Variants in TCF7L1 observed in about 807,000 individuals in gnomAD.
TCF7L1 encodes the protein transcription factor 7 like 1, also known as transcription factor 7-like 1.
Under a neutral mutation model 63.7 loss-of-function variants are expected in TCF7L1, and 18 were observed. The ratio of observed to expected loss-of-function variants is 0.28; its 90% CI spans 0.20 to 0.42. The LOEUF (loss-of-function observed/expected upper bound fraction) is 0.42, where lower values mean the gene tolerates loss of function less well. Among genes scored for constraint, TCF7L1 ranks in the 10% least tolerant of loss-of-function variants. TCF7L1 has a pLI of 1.00. For synonymous variants in TCF7L1, 355 were observed against 340.9 expected (o/e 1.04, Z -0.46); for missense variants, 654 against 779.3 (o/e 0.84, Z 1.91).
intron 3 of TCF7L1, among the ~76,000 whole-genome samples, chr2:85,267,832 A>G (rs189976136): frequency 6.6e-6 from 1 of 152,302 alleles, no homozygotes; most frequent in Non-Finnish European, 1.5e-5. Flanking sequence ...ACGCATCACT[A>G]AATGTTTTCT....
At chr2:85,243,857 G>A (rs755891642) in intron 3 of TCF7L1, among the ~76,000 whole-genome samples, 33 of 152,162 alleles carry the variant, frequency 2.2e-4, no homozygotes, top group African/African-American at 3.1e-4. Flanking sequence ...TGCTAGCCAC[G>A]GACCACATTG....
intron 3 of TCF7L1, among the ~76,000 whole-genome samples, chr2:85,277,068 G>C (rs4832152): frequency 4.6e-5 from 7 of 151,872 alleles, no homozygotes; most frequent in African/African-American, 7.3e-5. Context: ...GCTGGGGTGG[G>C]GGGCGGTGAG....
intron 3 of TCF7L1, among the ~76,000 whole-genome samples, chr2:85,207,558 C>T (rs1679437444): frequency 6.6e-6 from 1 of 151,812 alleles, no homozygotes; most frequent in Non-Finnish European, 1.5e-5. Context: ...ATCATGGTGC[C>T]TCACTCATCA....
chr2:85,195,704 C>T (rs1679139116), intron 3 of TCF7L1, among the ~76,000 whole-genome samples: 1 of 151,858 alleles, frequency 6.6e-6, no homozygotes, highest in Admixed American at 6.6e-5. Flanking sequence ...ACGCCACCAC[C>T]CCCGGCCAAT....
rs770168494 is a variant in TCF7L1 at position 85,134,116 on chromosome 2, C to G, written c.313+37C>G. Reference sequence around the variant, plus strand: ...CTGGGACAGCCCCCCACTCTCGATTCCCGCTGCGCTCCGCTGCTCAGCCCG... The same window carrying G: ...CTGGGACAGCCCCCCACTCTCGATTGCCGCTGCGCTCCGCTGCTCAGCCCG... On this transcript the variant is annotated intron_variant, in intron 2 of 11. Transcript: ENST00000282111. The surrounding 1 kb of genome is among the most constrained non-coding windows in gnomAD (Gnocchi z 5.0). 9 of 1,602,450 alleles carry G rather than the reference C, an allele frequency of 5.6e-6. No individual in the cohort carries two copies. Among genetic ancestry groups the G allele is most frequent in the Non-Finnish European group, 7.7e-6 (9 of 1,175,516 alleles).
chr2:85,267,144 C>A (rs1680993995), intron 3 of TCF7L1, among the ~76,000 whole-genome samples: 1 of 151,924 alleles, frequency 6.6e-6, no homozygotes, highest in Non-Finnish European at 1.5e-5. Context: ...AGTTCAAGAC[C>A]AGCCTGGCTA....
intron 3 of TCF7L1, among the ~76,000 whole-genome samples, chr2:85,260,229 G>A (rs943612695): frequency 2.0e-5 from 3 of 152,212 alleles, no homozygotes; most frequent in Non-Finnish European, 2.9e-5. Context: ...CAGCGAACCA[G>A]ATGCTTCTGG....
At position 85,254,427 on chromosome 2, in the gene TCF7L1, G is replaced by T. The variant is rs147197682; in HGVS notation, c.442-29068G>T. On this transcript the variant is annotated intron_variant, in intron 3 of 11. Transcript: ENST00000282111. ...TCCTCTGTGTGTCCCTTGTAGGTCA[G>T]TGGTGCTTTTTCCTGCATTGGGGGG... is the stretch of plus-strand genomic sequence containing the variant. 7.9e-3 allele frequency among the ~76,000 whole-genome samples: 1,203 copies of T among 152,358 alleles called. 19 individuals carry two copies. The highest frequency in any genetic ancestry group is 0.027 in the African/African-American group (1,136 of 41,572).
chr2:85,198,732 A>G (rs1177936244), intron 3 of TCF7L1, among the ~76,000 whole-genome samples: 1 of 152,154 alleles, frequency 6.6e-6, no homozygotes, highest in East Asian at 1.9e-4. Context: ...GTGGTGGCAC[A>G]CGCCTGTGGT....
In TCF7L1 at chr2:85,278,043, C is replaced by T. The variant is rs568781132; in HGVS notation, c.442-5452C>T. ...ATTTCCTCCCAGCTGTTTTACATCA[C>T]GAAGATTTGTGTGTTGGGGAAATTC... is the stretch of plus-strand genomic sequence containing the variant. On this transcript the variant is annotated intron_variant, in intron 3 of 11. Coordinates refer to ENST00000282111, the MANE Select transcript of TCF7L1 (RefSeq NM_031283.3). Among the ~76,000 whole-genome samples the T allele has an allele frequency of 8.5e-5, 13 of 152,270 alleles. No individual in the cohort carries two copies. The East Asian group carries it at 2.3e-3, about 27-fold the overall frequency.
At chr2:85,226,470 T>C (rs6743132) in intron 3 of TCF7L1, among the ~76,000 whole-genome samples, 38,940 of 152,096 alleles carry the variant, frequency 0.26, 9,507 homozygotes, top group African/African-American at 0.65. Flanking sequence ...AGGATTTGAA[T>C]CTGGGCTAGC....
chr2:85,147,405 C>T (rs977512824), intron 3 of TCF7L1, among the ~76,000 whole-genome samples: 22 of 152,186 alleles, frequency 1.4e-4, no homozygotes, highest in Admixed American at 2.0e-4. Context: ...CTTTCCCCAC[C>T]CCTCCCCACG....
chr2:85,154,635 AC>A (rs1678101752), intron 3 of TCF7L1, among the ~76,000 whole-genome samples: 1 of 152,156 alleles, frequency 6.6e-6, no homozygotes, highest in Non-Finnish European at 1.5e-5. Context: ...AGCTCTCTGT[AC>A]TTGAGCACAT....
At chr2:85,281,623 G>T (rs1681422641) in intron 3 of TCF7L1, among the ~76,000 whole-genome samples, 1 of 152,110 alleles carries the variant, frequency 6.6e-6, no homozygotes, top group Non-Finnish European at 1.5e-5. Context: ...AGGGACAGAG[G>T]TGACACCCCA....
chr2:85,218,638 A>AGAGG (rs1558637181), intron 3 of TCF7L1, among the ~76,000 whole-genome samples: 2 of 135,654 alleles, frequency 1.5e-5, no homozygotes, highest in African/African-American at 5.5e-5. Context: ...TTTTATTCCA[A>AGAGG]TGGGGGGGGG....
chr2:85,153,258 A>T (rs372277606), intron 3 of TCF7L1, among the ~76,000 whole-genome samples: 1 of 152,104 alleles, frequency 6.6e-6, no homozygotes, highest in Non-Finnish European at 1.5e-5. Flanking sequence ...AGTGCCTGGC[A>T]CACACAGCAA....
Position 85,309,555 on chromosome 2 carries a change from G to T in TCF7L1, c.*93G>T. 7.6e-7 allele frequency: 1 copy of T among 1,316,528 alleles called. No homozygotes were observed. Among genetic ancestry groups the T allele is most frequent in the South Asian group, 1.6e-5 (1 of 62,052 alleles). The allele number at this position is 1,316,528 out of a possible 1,614,324, so 81.6% of individuals were successfully genotyped here. A position where few individuals can be genotyped will look rare whatever the true frequency, so the allele number is the denominator to read the frequency against. On this transcript the variant is annotated 3_prime_UTR_variant, in exon 12 of 12. Coordinates refer to ENST00000282111, the MANE Select transcript of TCF7L1 (RefSeq NM_031283.3). Reference sequence around the variant, plus strand: ...AAGGAGACTTTATTGGTCAATATTTGACCACTCTGGACTGTTCTGTAAAGT... The same window carrying T: ...AAGGAGACTTTATTGGTCAATATTTTACCACTCTGGACTGTTCTGTAAAGT...
At chr2:85,240,991 CTTTTGT>C (rs1680307802) in intron 3 of TCF7L1, among the ~76,000 whole-genome samples, 1 of 151,940 alleles carries the variant, frequency 6.6e-6, no homozygotes. Flanking sequence ...AAATCTGTGC[CTTTTGT>C]TTTTGTTTTT....
chr2:85,140,952 T>C (rs1416134971), intron 3 of TCF7L1, among the ~76,000 whole-genome samples: 1 of 151,888 alleles, frequency 6.6e-6, no homozygotes, highest in African/African-American at 2.4e-5. Flanking sequence ...TGGTGTTAGA[T>C]GCCACAGAGA....
Sources: gnomAD v4.1 joint callset for allele counts (sites outside exome capture counted in the v4.1 genomes callset) on GRCh38, gnomAD v4.1.1 for gene constraint, Gnocchi (gnomAD v3.1) non-coding constraint, MANE v1.5 for transcripts, NCBI Gene and HGNC (gene_info 2026-07-23, HGNC 2026-07-21) for gene names.